The following TMPRSS15 variants were observed in gnomAD, a reference collection of about 807,000 sequenced individuals.
TMPRSS15 encodes the protein enteropeptidase.
TMPRSS15 carries 128 observed loss-of-function variants against 125.3 expected under a neutral mutation model. The observed-to-expected ratio is 1.02, with a 90% confidence interval of 0.89 to 1.18. TMPRSS15 has a LOEUF of 1.18. Among genes scored for constraint, TMPRSS15 ranks in the 50% most tolerant of loss-of-function variants. The pLI is 0.00. For synonymous variants in TMPRSS15, 446 were observed against 423.2 expected (o/e 1.05, Z -0.66); for missense variants, 1,283 against 1,212.7 (o/e 1.06, Z -0.86).
At chr21:18,416,042 C>T (rs2076179248) in intron 1 of TMPRSS15, among the ~76,000 whole-genome samples, 1 of 151,840 alleles carries the variant, frequency 6.6e-6, no homozygotes, top group African/African-American at 2.4e-5. Flanking sequence ...AAAACAATTC[C>T]ATTTACAATA....
rs67154609 is a variant in TMPRSS15, at chr21:18,396,804, G to GTCTATCTATCTATCTATCTATCTA, written c.344+1074_344+1075insTAGATAGATAGATAGATAGATAGA. On this transcript the variant is annotated intron_variant, in intron 3 of 24. Transcript: ENST00000284885. ...AAAAAAAAAAAAAATCTGTCTGTCT[G>GTCTATCTATCTATCTATCTATCTA]TCTGTCTATCTATCTATCTATCTAT... 5.7e-4 allele frequency among the ~76,000 whole-genome samples: 55 copies of GTCTATCTATCTATCTATCTATCTA among 96,538 alleles called. 1 individual carries two copies. The highest frequency in any genetic ancestry group is 6.6e-4 in the Non-Finnish European group (33 of 50,202). The allele number at this position is 96,538 out of a possible 152,430, so 63.3% of individuals were successfully genotyped here.
In TMPRSS15 at chr21:18,379,297, T is replaced by C. The variant is rs1228188035; in HGVS notation, c.518A>G (p.His173Arg). 2 of 1,338,702 alleles carry C rather than the reference T, an allele frequency of 1.5e-6. No homozygotes were observed. Among genetic ancestry groups the C allele is most frequent in the African/African-American group, 1.5e-5 (1 of 67,286 alleles). 82.9% of individuals were successfully genotyped at this position (1,338,702 alleles called of 1,614,324 possible). A position where few individuals can be genotyped will look rare whatever the true frequency, so the allele number is the denominator to read the frequency against. ...DILDKLTTTS[H>R]LATPGNVSIE... Reference sequence around the variant, plus strand: ...TTAAAACTGACCTGGAGTTGCCAGATGACTGGTGGTTGTTAGCTTGTCTGA... The same window carrying C: ...TTAAAACTGACCTGGAGTTGCCAGACGACTGGTGGTTGTTAGCTTGTCTGA... The change falls in exon 5 of 25, where the codon CAT becomes CGT. Residue 173 changes from histidine (H) to arginine (R), a missense_variant. By Grantham distance (29) the His-to-Arg change is conservative (BLOSUM62 0). Transcript: ENST00000284885.
chr21:18,364,181 C>T (rs2075704986), intron 7 of TMPRSS15, among the ~76,000 whole-genome samples: 1 of 151,996 alleles, frequency 6.6e-6, no homozygotes, highest in Non-Finnish European at 1.5e-5. Flanking sequence ...ATATAATCAT[C>T]AATATCAATC....
chr21:18,485,466 TA>T (rs1432546654), intron 1 of TMPRSS15, among the ~76,000 whole-genome samples: 1 of 152,052 alleles, frequency 6.6e-6, no homozygotes, highest in African/African-American at 2.4e-5. Flanking sequence ...GATAGCTTTT[TA>T]TCAGGTTAGA....
chr21:18,308,310 T>C (rs777943072), intron 18 of TMPRSS15, among the ~76,000 whole-genome samples: 22 of 152,078 alleles, frequency 1.4e-4, no homozygotes, highest in Non-Finnish European at 2.6e-4. Context: ...TCCAAGACTT[T>C]ATGTCTGAAA....
At chr21:18,460,239 T>C (rs535028114) in intron 1 of TMPRSS15, among the ~76,000 whole-genome samples, 3 of 152,064 alleles carry the variant, frequency 2.0e-5, no homozygotes, top group Non-Finnish European at 4.4e-5. Flanking sequence ...TGAGAATGAG[T>C]TCAATATTTC....
chr21:18,462,356 G>A (rs987289858), intron 1 of TMPRSS15, among the ~76,000 whole-genome samples: 1 of 152,026 alleles, frequency 6.6e-6, no homozygotes, highest in African/African-American at 2.4e-5. Flanking sequence ...GTGTGATGTA[G>A]ACTAGTAATT....
intron 3 of TMPRSS15, among the ~76,000 whole-genome samples, chr21:18,391,648 T>C (rs1185111839): frequency 6.6e-6 from 1 of 151,922 alleles, no homozygotes; most frequent in African/African-American, 2.4e-5. Context: ...GCACACGGTG[T>C]GAGATGTCAG....
At chr21:18,313,098 A>G (rs1298415830) in intron 17 of TMPRSS15, 21 bp from the exon 18 acceptor site, 1 of 1,570,832 alleles carries the variant, frequency 6.4e-7, no homozygotes, top group East Asian at 2.2e-5. Flanking sequence ...AGAGAGCATA[A>G]TGGTAGTTAC....
In TMPRSS15 at chr21:18,306,870, CTTTT is replaced by C. The variant is rs1220535451; in HGVS notation, c.2165+6071_2165+6074del. ...AGACATGAAAATGTTATTCAAGGTACTTTTTATTTATGCATGTAATGAATGATAG... is the reference window on the plus strand; with the variant it reads ...AGACATGAAAATGTTATTCAAGGTACTATTTATGCATGTAATGAATGATAG... On this transcript the variant is annotated intron_variant, in intron 18 of 24. Transcript: ENST00000284885. 2.0e-5 allele frequency among the ~76,000 whole-genome samples: 3 copies of C among 151,472 alleles called. No individual in the cohort carries two copies. The East Asian group carries it at 5.8e-4, about 29-fold the overall frequency.
In TMPRSS15 at chr21:18,413,488, G is replaced by A. The variant is rs569574554; in HGVS notation, c.11-15159C>T. On this transcript the variant is annotated intron_variant, in intron 1 of 7. Transcript: ENST00000422787. The stretch of plus-strand genomic sequence containing the variant: ...GCTGGAGTGCAGTGGCTTGGTCTCG[G>A]GTCACTGCTACCTCCACCTTCCAGG... 1.4e-3 allele frequency among the ~76,000 whole-genome samples: 209 copies of A among 151,010 alleles called. 3 individuals are homozygous for A. The highest frequency in any genetic ancestry group is 1.6e-3 in the Non-Finnish European group (111 of 67,762).
At chr21:18,412,898 A>G (rs376630709) in intron 1 of TMPRSS15, among the ~76,000 whole-genome samples, 6 of 152,206 alleles carry the variant, frequency 3.9e-5, no homozygotes, top group African/African-American at 7.2e-5. Context: ...GCATAATAAC[A>G]TGTTCAGTTA....
intron 1 of TMPRSS15, among the ~76,000 whole-genome samples, chr21:18,468,930 G>T (rs1336887326): frequency 6.6e-6 from 1 of 152,142 alleles, no homozygotes; most frequent in Non-Finnish European, 1.5e-5. Context: ...TGTGGAGTAC[G>T]CAGGCGTAGT....
At chr21:18,296,075 C>G (rs868494478) in intron 19 of TMPRSS15, among the ~76,000 whole-genome samples, 1 of 152,148 alleles carries the variant, frequency 6.6e-6, no homozygotes, top group Non-Finnish European at 1.5e-5. Context: ...ATGGTGGGAA[C>G]TTGGGAGGTG....
intron 16 of TMPRSS15, among the ~76,000 whole-genome samples, chr21:18,323,304 C>T (rs2075257737): frequency 6.6e-6 from 1 of 152,132 alleles, no homozygotes; most frequent in African/African-American, 2.4e-5. Flanking sequence ...AATGGACTTG[C>T]TGTTCCACAG....
rs376916074 is a variant in TMPRSS15, at chr21:18,398,287, T to A, written c.188A>T (p.Lys63Ile). Residue 63 changes from lysine to isoleucine, a missense_variant, in exon 2 of 25, where the codon AAA becomes ATA. Lys to Ile is a moderately radical substitution (Grantham distance 102). Coordinates refer to ENST00000284885, the MANE Select transcript of TMPRSS15 (RefSeq NM_002772.3). ...ATTATATGTAACTCCGGATGTTATT[T>A]TAAATGTCGCTCTGGCTTCATGACT... ...GQSHEARATF[K>I]ITSGVTYNPN... The A allele has an allele frequency of 6.2e-7, 1 of 1,613,772 alleles. No homozygotes were observed. The highest frequency in any genetic ancestry group is 1.3e-5 in the African/African-American group (1 of 74,934).
chr21:18,455,321 A>G (rs914179874), intron 1 of TMPRSS15, among the ~76,000 whole-genome samples: 3 of 152,188 alleles, frequency 2.0e-5, no homozygotes, highest in Non-Finnish European at 4.4e-5. Flanking sequence ...TTAGGGGCAT[A>G]GGAGATAGAC....
At chr21:18,375,768 T>G (rs2075835600) in intron 5 of TMPRSS15, among the ~76,000 whole-genome samples, 1 of 152,176 alleles carries the variant, frequency 6.6e-6, no homozygotes, top group African/African-American at 2.4e-5. Context: ...CGGTATACAC[T>G]CAAAGATGAT....
intron 10 of TMPRSS15, among the ~76,000 whole-genome samples, chr21:18,350,945 C>T (rs1458964041): frequency 2.6e-5 from 4 of 151,856 alleles, no homozygotes; most frequent in Admixed American, 1.3e-4. Context: ...ACTGATGACT[C>T]TGAAATATAT....
Sources: allele counts gnomAD v4.1 joint callset (sites outside exome capture counted in the v4.1 genomes callset), GRCh38; gene constraint gnomAD v4.1.1; transcripts MANE v1.5; gene names NCBI Gene and HGNC (gene_info 2026-07-23, HGNC 2026-07-21).